The following SH3BP1 variants were observed in gnomAD, a reference collection of about 807,000 sequenced individuals.
The protein encoded by SH3BP1 is SH3 domain binding protein 1.
A neutral mutation model predicts 69.8 loss-of-function variants in SH3BP1; 46 were observed. The observed-to-expected ratio is 0.66, with a 90% CI of 0.52 to 0.84. SH3BP1 has a LOEUF of 0.84. Ranked by LOEUF, SH3BP1 falls within the 40% of genes least tolerant of loss-of-function variation. The pLI, the probability that SH3BP1 is intolerant of heterozygous loss-of-function variation, is 0.00. For missense variants in SH3BP1, 868 were observed against 930.9 expected, an observed-to-expected ratio of 0.93 and a Z score of 0.88; for synonymous variants, 403 against 378.0, an observed-to-expected ratio of 1.07 and a Z score of -0.77.
chr22:37,655,461 C>T lies in SH3BP1; in HGVS notation c.1883C>T (p.Pro628Leu). The change falls in exon 18 of 18, where the codon CCT becomes CTT. Residue 628 changes from proline (P) to leucine (L), a missense_variant. Transcript: ENST00000649765. ...TVPPPLPPTPPQPARRQSRRS... is the reference protein window; with the variant it reads ...TVPPPLPPTPLQPARRQSRRS... ...CCACCCCCGTTACCCCCCACACCCC[C>T]TCAGCCTGCCCGGCGCCAAAGCCGG... 2 of 1,401,044 alleles carry T rather than the reference C, an allele frequency of 1.4e-6. No individual in the cohort carries two copies. The highest frequency in any genetic ancestry group is 9.7e-7 in the Non-Finnish European group (1 of 1,033,222). 86.8% of individuals were successfully genotyped at this position (1,401,044 alleles called of 1,614,324 possible).
chr22:37,648,759 AGT>A (rs1484241756), intron 14 of SH3BP1: 1 of 218,360 alleles, frequency 4.6e-6, no homozygotes, highest in Non-Finnish European at 9.0e-6. Context: ...GCTGGAGTAC[AGT>A]GGCGCAATCT....
intron 1 of SH3BP1, among the ~76,000 whole-genome samples, chr22:37,640,050 G>C (rs566063263): frequency 6.6e-6 from 1 of 152,194 alleles, no homozygotes; most frequent in African/African-American, 2.4e-5. Flanking sequence ...GTGGCCTTTG[G>C]GGGAAGGGAT....
At chr22:37,647,410 C>T (rs1463100979) in intron 12 of SH3BP1, 31 bp from the exon 13 acceptor site, 10 of 1,611,734 alleles carry the variant, frequency 6.2e-6, no homozygotes, top group Non-Finnish European at 8.5e-6. Flanking sequence ...TAGCCCTGCG[C>T]TGGCTGACAG....
chr22:37,641,233 G>T, intron 2 of SH3BP1, 65 bp downstream of exon 2: 1 of 1,528,916 alleles, frequency 6.5e-7, no homozygotes. Flanking sequence ...GCAGAGGGCC[G>T]GGGCGGGGAC....
Position 37,653,794 on chromosome 22 carries a change from G to A in SH3BP1, c.1614G>A (p.Val538=). The A allele has an allele frequency of 1.2e-6, 2 of 1,613,212 alleles. No homozygotes were observed. The highest frequency in any genetic ancestry group is 1.7e-6 in the Non-Finnish European group (2 of 1,179,434). ...CCCTCTGCAGGACAGAGTCTGAGGT[G>A]CCTCCCAGACCAGCCTCCCCCAAGG... ...AATKERTESE[V]PPRPASPKVT... Residue 538 remains valine (V), a synonymous_variant, in exon 17 of 18, where the codon GTG becomes GTA. Transcript: ENST00000649765.
At chr22:37,645,338 G>C (rs930210592) in intron 9 of SH3BP1, 27 bp from the exon 10 acceptor site, 4 of 1,588,016 alleles carry the variant, frequency 2.5e-6, no homozygotes, top group Non-Finnish European at 3.4e-6. Flanking sequence ...GAAGGCCCTG[G>C]GCCGCTGATC....
In SH3BP1 at chr22:37,647,250, C is replaced by CCA. The variant is rs772503143; in HGVS notation, c.1037-13_1037-12dup. 1 of 1,612,994 alleles carries CCA rather than the reference C, an allele frequency of 6.2e-7. No homozygotes were observed. Among genetic ancestry groups the CCA allele is most frequent in the Admixed American group, 1.7e-5 (1 of 60,006 alleles). On this transcript the variant is annotated splice_polypyrimidine_tract_variant and intron_variant, in intron 11 of 17. Transcript: ENST00000649765. Reference sequence around the variant, plus strand: ...GGGTGGGGGCTGCCTCTGACCCTCCCCACACCCCTCCTTCAGGTGCCCTCA... The same window carrying CCA: ...GGGTGGGGGCTGCCTCTGACCCTCCCCACACACCCCTCCTTCAGGTGCCCTCA...
chr22:37,647,467 A>C lies in SH3BP1; in HGVS notation c.1145A>C (p.Gln382Pro). The C allele has an allele frequency of 1.9e-6, 3 of 1,610,354 alleles. No individual in the cohort carries two copies. The highest frequency in any genetic ancestry group is 2.5e-6 in the Non-Finnish European group (3 of 1,179,530). ...ASLKEPGARL[Q>P]ALQEVCSRLP... is the part of the protein sequence containing the mutation. ...CTGAAGGAGCCAGGGGCCCGGCTGC[A>C]GGCCCTCCAAGAGGTGTGCAGCCGC... The change falls in exon 13 of 18, where the codon CAG becomes CCG. Residue 382 changes from glutamine (Q) to proline (P), a missense_variant. Physicochemically the swap from Gln to Pro is moderately conservative, Grantham distance 76 (BLOSUM62 -1). Coordinates refer to ENST00000649765, the MANE Select transcript of SH3BP1 (RefSeq NM_018957.6).
rs778886135 is a variant in SH3BP1, at chr22:37,650,210, G to C, written c.1375G>C (p.Glu459Gln). Reference sequence around the variant, plus strand: ...TTCCATCCAGGTGGTGGGCGTCGTCGAGGCGCTGATCCAGAGCGCAGACAC... The same window carrying C: ...TTCCATCCAGGTGGTGGGCGTCGTCCAGGCGCTGATCCAGAGCGCAGACAC... ...VSSIQVVGVVEALIQSADTLF... is the reference protein window; with the variant it reads ...VSSIQVVGVVQALIQSADTLF... The change falls in exon 15 of 18, where the codon GAG becomes CAG. Residue 459 changes from glutamate to glutamine, a missense_variant. By Grantham distance (29) the Glu-to-Gln change is conservative. This residue lies in a region of SH3BP1 where 474 missense variants were observed against 462.3 expected (regional missense o/e 1.03). Coordinates refer to ENST00000649765, the MANE Select transcript of SH3BP1 (RefSeq NM_018957.6). The C allele has an allele frequency of 5.0e-6, 8 of 1,613,594 alleles. No individual in the cohort carries two copies. The South Asian group carries it at 7.7e-5, about 16-fold the overall frequency.
chr22:37,641,617 C>T (rs1932602526), intron 3 of SH3BP1, 139 bp downstream of exon 3: 2 of 696,442 alleles, frequency 2.9e-6, no homozygotes, highest in Admixed American at 2.9e-5. Flanking sequence ...TCCAAGGCCC[C>T]TCTGGCACTG....
chr22:37,642,401 T>C, intron 3 of SH3BP1, 138 bp from the exon 4 acceptor site: 3 of 741,860 alleles, frequency 4.0e-6, no homozygotes, highest in Non-Finnish European at 4.5e-6. Flanking sequence ...CACCACGCCT[T>C]GTCATCTTGT....
In SH3BP1 at chr22:37,650,422, G is replaced by A. The variant is rs567743215; in HGVS notation, c.1415-120G>A. ...TGTGGGGTGGTGGTGAGGCTCACACGGGAGTGGGGAAGCTGAACATGGTCC... is the reference window on the plus strand; with the variant it reads ...TGTGGGGTGGTGGTGAGGCTCACACAGGAGTGGGGAAGCTGAACATGGTCC... On this transcript the variant is annotated intron_variant, in intron 15 of 17. Transcript: ENST00000649765. 2.2e-3 allele frequency: 3,357 copies of A among 1,493,830 alleles called. 5 individuals carry two copies. Among genetic ancestry groups the A allele is most frequent in the Non-Finnish European group, 2.6e-3 (2,938 of 1,111,032 alleles). The allele number at this position is 1,493,830 out of a possible 1,614,324, so 92.5% of individuals were successfully genotyped here.
intron 9 of SH3BP1, among the ~76,000 whole-genome samples, 156 bp from the exon 10 acceptor site, chr22:37,645,209 G>A (rs962006679): frequency 6.6e-6 from 1 of 152,190 alleles, no homozygotes; most frequent in Non-Finnish European, 1.5e-5. Flanking sequence ...GGCAGTGGAG[G>A]CGGGCTGATT....
intron 3 of SH3BP1, 41 bp downstream of exon 3, chr22:37,641,519 A>G (rs1018531443): frequency 1.3e-6 from 2 of 1,482,854 alleles, no homozygotes; most frequent in South Asian, 2.5e-5. Context: ...TGAGCAGGAG[A>G]CTTCCATCCA....
rs372085876 is a variant in SH3BP1, at chr22:37,647,438, C to T, written c.1119-3C>T. 8.7e-6 allele frequency: 14 copies of T among 1,612,292 alleles called. No individual in the cohort carries two copies. Among genetic ancestry groups the T allele is most frequent in the Non-Finnish European group, 1.0e-5 (12 of 1,179,282 alleles). On this transcript the variant is annotated splice_polypyrimidine_tract_variant and splice_region_variant and intron_variant, in intron 12 of 17. Coordinates refer to ENST00000649765, the MANE Select transcript of SH3BP1 (RefSeq NM_018957.6). ...GCTGACAGGTCTCTCCACTCCCCCC[C>T]AGCCTGAAGGAGCCAGGGGCCCGGC... is the stretch of plus-strand genomic sequence containing the variant.
chr22:37,641,552 G>A, intron 3 of SH3BP1, 74 bp downstream of exon 3: 1 of 1,301,678 alleles, frequency 7.7e-7, no homozygotes, highest in Non-Finnish European at 1.1e-6. Flanking sequence ...GGTCGGGGCT[G>A]GGGTTTCCTT....
At chr22:37,641,303 G>T in intron 2 of SH3BP1, 71 bp from the exon 3 acceptor site, 1 of 1,526,504 alleles carries the variant, frequency 6.6e-7, no homozygotes, top group Non-Finnish European at 8.9e-7. Flanking sequence ...GTCCCCAGGG[G>T]ACAGGAGAAA....
chr22:37,644,382 C>T (rs950666168), intron 7 of SH3BP1, among the ~76,000 whole-genome samples: 5 of 152,144 alleles, frequency 3.3e-5, no homozygotes, highest in Non-Finnish European at 7.4e-5. Context: ...CCGTCTCAAA[C>T]GAAACAAAAC....
intron 15 of SH3BP1, 84 bp downstream of exon 15, chr22:37,650,333 T>C: frequency 6.6e-7 from 1 of 1,523,554 alleles, no homozygotes. Flanking sequence ...AAACTCACCA[T>C]AAGTCCAGGA....
Sources: gnomAD v4.1 joint callset for allele counts (sites outside exome capture counted in the v4.1 genomes callset) on GRCh38, gnomAD v4.1.1 for gene constraint, gnomAD v4.1.1 regional missense constraint, MANE v1.5 for transcripts, NCBI Gene and HGNC (gene_info 2026-07-23, HGNC 2026-07-21) for gene names.